The following ANO3 variants were observed in gnomAD, a reference collection of about 807,000 sequenced individuals.
ANO3 encodes the protein anoctamin-3.
Under a neutral mutation model 144.8 loss-of-function variants are expected in ANO3, and 99 were observed. The ratio of observed to expected loss-of-function variants is 0.68; its 90% CI spans 0.58 to 0.81. The LOEUF is 0.81. Among genes scored for constraint, ANO3 ranks in the 30% least tolerant of loss-of-function variants. The probability of loss-of-function intolerance (pLI) is 0.00; values close to 1 mark genes in which losing one functional copy is unlikely to be tolerated. For synonymous variants in ANO3, 414 were observed against 392.6 expected (o/e 1.05, Z -0.64); for missense variants, 905 against 1,202.2 (o/e 0.75, Z 3.66).
chr11:26,345,700 G>C (rs1460979089), intron 1 of ANO3, among the ~76,000 whole-genome samples: 1 of 152,202 alleles, frequency 6.6e-6, no homozygotes, highest in East Asian at 1.9e-4. Context: ...ATGAAAATAT[G>C]TTACTGAATG....
intron 1 of ANO3, among the ~76,000 whole-genome samples, chr11:26,409,232 G>T (rs1364920744): frequency 6.6e-6 from 1 of 151,438 alleles, no homozygotes; most frequent in Non-Finnish European, 1.5e-5. Flanking sequence ...ACTCTAGCAG[G>T]TATACTTACA....
chr11:26,613,063 T>A (rs1852145735), intron 17 of ANO3, among the ~76,000 whole-genome samples: 2 of 152,170 alleles, frequency 1.3e-5, no homozygotes, highest in Non-Finnish European at 2.9e-5. Context: ...GAAGTTTCTG[T>A]CTATTATCCT....
At chr11:26,258,013 G>A (rs1853099205) in intron 1 of ANO3, among the ~76,000 whole-genome samples, 1 of 152,070 alleles carries the variant, frequency 6.6e-6, no homozygotes, top group Non-Finnish European at 1.5e-5. Flanking sequence ...CCAGGGCACA[G>A]ACGGATATAA....
At chr11:26,525,790 A>G (rs2134168179) in intron 7 of ANO3, 111 bp downstream of exon 7, 2 of 764,218 alleles carry the variant, frequency 2.6e-6, no homozygotes, top group South Asian at 1.9e-5. Context: ...GAAAAATTCT[A>G]TTGATTTGTC....
chr11:26,265,501 C>T (rs772676345), intron 1 of ANO3, among the ~76,000 whole-genome samples: 24 of 152,192 alleles, frequency 1.6e-4, no homozygotes, highest in South Asian at 8.3e-4. Context: ...TATCCTGTAT[C>T]GCACATAAAA....
At chr11:26,656,095 G>T in intron 24 of ANO3, 30 bp from the exon 25 acceptor site, 1 of 1,518,526 alleles carries the variant, frequency 6.6e-7, no homozygotes, top group South Asian at 1.1e-5. Context: ...ATGAATCTTT[G>T]AATCACATGA....
intron 1 of ANO3, among the ~76,000 whole-genome samples, chr11:26,357,405 T>C (rs1022616595): frequency 6.6e-6 from 1 of 152,198 alleles, no homozygotes. Flanking sequence ...AGTATTCTAA[T>C]AAGTGCACAG....
intron 1 of ANO3, among the ~76,000 whole-genome samples, chr11:26,227,792 G>T (rs1222142261): frequency 6.6e-6 from 1 of 152,052 alleles, no homozygotes; most frequent in Non-Finnish European, 1.5e-5. Flanking sequence ...ATTTCCAGTT[G>T]TGTGTGACCA....
intron 1 of ANO3, among the ~76,000 whole-genome samples, chr11:26,438,592 C>CAAAAAA (rs1227963923): frequency 2.8e-5 from 2 of 70,298 alleles, no homozygotes; most frequent in Non-Finnish European, 5.0e-5. Flanking sequence ...ACTAAAAATA[C>CAAAAAA]AAAAAAAAAA....
intron 1 of ANO3, among the ~76,000 whole-genome samples, chr11:26,398,772 G>A (rs1857078849): frequency 6.6e-6 from 1 of 152,004 alleles, no homozygotes; most frequent in African/African-American, 2.4e-5. Flanking sequence ...GTATTCATGT[G>A]GGTTATCATA....
chr11:26,478,023 C>A (rs778743882), intron 4 of ANO3, among the ~76,000 whole-genome samples: 1 of 152,094 alleles, frequency 6.6e-6, no homozygotes, highest in Non-Finnish European at 1.5e-5. Flanking sequence ...TACTGTTTAG[C>A]TATTTAAAAG....
intron 1 of ANO3, among the ~76,000 whole-genome samples, chr11:26,336,157 G>A (rs527415742): frequency 1.3e-5 from 2 of 152,290 alleles, no homozygotes; most frequent in South Asian, 4.2e-4. Context: ...TTTCTTCCTA[G>A]CCTGGCTTTC....
At chr11:26,351,589 A>G (rs1366681464) in intron 1 of ANO3, among the ~76,000 whole-genome samples, 1 of 152,182 alleles carries the variant, frequency 6.6e-6, no homozygotes. Context: ...GTCATAGAGA[A>G]TTTATAGACA....
intron 1 of ANO3, among the ~76,000 whole-genome samples, chr11:26,233,567 T>A (rs1852449864): frequency 6.6e-6 from 1 of 152,190 alleles, no homozygotes; most frequent in Non-Finnish European, 1.5e-5. Context: ...AGAAATACCA[T>A]TTGACCCAGC....
rs539146631 is a variant in ANO3 at position 26,213,356 on chromosome 11, T to A, written c.154+24026T>A. 3.9e-5 allele frequency among the ~76,000 whole-genome samples: 6 copies of A among 152,192 alleles called. No individual in the cohort carries two copies. The South Asian group carries it at 1.2e-3, about 32-fold the overall frequency. On this transcript the variant is annotated intron_variant, in intron 1 of 27. Coordinates refer to the ANO3 transcript ENST00000672621. ...AAGTAAAATTGTCTGTGTTTGCAGA[T>A]GACATGATTGTATATTTAGAAGCCC... is the stretch of plus-strand genomic sequence containing the variant.
rs1858535232 is a variant in ANO3 at position 26,441,938 on chromosome 11, G to A, written c.67G>A (p.Glu23Lys). The part of the protein sequence containing the change: ...QQKGMNISKS[E>K]ITKETSLKPS... ...TGCAGGTATGAATATAAGCAAGAGT[G>A]AGATAACAAAAGAAACTTCGTTAAA... The change falls in exon 2 of 27, where the codon GAG (glutamate) becomes AAG (lysine). Residue 23 changes from glutamate to lysine, a missense_variant. Physicochemically the swap from Glu to Lys is moderately conservative, Grantham distance 56. Transcript: ENST00000256737. 1 of 1,613,454 alleles carries A rather than the reference G, an allele frequency of 6.2e-7. No individual in the cohort carries two copies. The highest frequency in any genetic ancestry group is 1.3e-5 in the African/African-American group (1 of 74,880).
chr11:26,294,535 A>G (rs1854042233), intron 1 of ANO3, among the ~76,000 whole-genome samples: 1 of 152,168 alleles, frequency 6.6e-6, no homozygotes, highest in Admixed American at 6.5e-5. Context: ...TGCTATTATT[A>G]TTGTAATTAT....
intron 4 of ANO3, among the ~76,000 whole-genome samples, chr11:26,504,752 G>A (rs116991351): frequency 0.075 from 11,378 of 151,394 alleles, 605 homozygotes; most frequent in Admixed American, 0.13. Context: ...CGCCGGGCGC[G>A]GTGGCTCACG....
chr11:26,407,187 A>C (rs72884575), intron 1 of ANO3, among the ~76,000 whole-genome samples: 8,315 of 150,610 alleles, frequency 0.055, 271 homozygotes, highest in African/African-American at 0.09. Context: ...ATCATTTCTA[A>C]AATCAAGTGT....
Sources: gnomAD v4.1 joint callset for allele counts (sites outside exome capture counted in the v4.1 genomes callset) on GRCh38, gnomAD v4.1.1 for gene constraint, MANE v1.5 for transcripts, NCBI Gene and HGNC (gene_info 2026-07-23, HGNC 2026-07-21) for gene names.